Variants in PALS2 observed in about 807,000 individuals in gnomAD.
PALS2 encodes protein associated with LIN7 2, MAGUK p55 family member.
A neutral mutation model predicts 61.6 loss-of-function variants in PALS2; 27 were observed. That is an observed-to-expected ratio of 0.44 (90% CI 0.32 to 0.60). The LOEUF (loss-of-function observed/expected upper bound fraction) is 0.60, where lower values mean the gene tolerates loss of function less well. PALS2 is among the 20% of genes least tolerant of loss of function. The pLI is 0.05. For missense variants in PALS2, 554 were observed against 639.4 expected, an observed-to-expected ratio of 0.87 and a Z score of 1.44; for synonymous variants, 236 against 218.6, an observed-to-expected ratio of 1.08 and a Z score of -0.70.
At chr7:24,645,169 T>C (rs1192579723) in intron 3 of PALS2, among the ~76,000 whole-genome samples, 1 of 152,170 alleles carries the variant, frequency 6.6e-6, no homozygotes. Flanking sequence ...GCTTTTGTTG[T>C]GATTGCTTTT....
At chr7:24,632,546 C>T (rs1050621891) in intron 2 of PALS2, among the ~76,000 whole-genome samples, 3 of 151,974 alleles carry the variant, frequency 2.0e-5, no homozygotes, top group South Asian at 2.1e-4. Flanking sequence ...ATTACAGGCA[C>T]GCCCAGCTTA....
At position 24,618,924 on chromosome 7, in the gene PALS2, C is replaced by A; in HGVS notation, c.-2-4742C>A. On this transcript the variant is annotated intron_variant, in intron 1 of 11. Transcript: ENST00000222644. This position sits in a 1 kb window ranked among gnomAD's most constrained non-coding sequence, Gnocchi z 5.1. Reference sequence around the variant, plus strand: ...CGGAGGAATGTGCACCAGACACTTACCGTCAGCCATCTTACTGACATCACT... The same window carrying A: ...CGGAGGAATGTGCACCAGACACTTAACGTCAGCCATCTTACTGACATCACT... Among the ~76,000 whole-genome samples, 1 of 152,334 alleles carries A rather than the reference C, an allele frequency of 6.6e-6. No individual in the cohort carries two copies. Among genetic ancestry groups the A allele is most frequent in the South Asian group, 2.1e-4 (1 of 4,830 alleles).
At position 24,647,578 on chromosome 7, in the gene PALS2, T is replaced by C. The variant is rs369526956; in HGVS notation, c.271-2034T>C. 9.8e-5 allele frequency among the ~76,000 whole-genome samples: 15 copies of C among 152,338 alleles called. 1 individual carries two copies. The highest frequency in any genetic ancestry group is 7.2e-4 in the Admixed American group (11 of 15,304). On this transcript the variant is annotated intron_variant, in intron 3 of 11. Transcript: ENST00000222644. The stretch of plus-strand genomic sequence containing the variant: ...AGAATTTTCATTAGAGGTTGCAAAA[T>C]GACGTTTTTCTGTTCTACATTATTA...
chr7:24,591,722 A>C (rs181046321), intron 1 of PALS2, among the ~76,000 whole-genome samples: 3 of 152,252 alleles, frequency 2.0e-5, no homozygotes, highest in Admixed American at 2.0e-4. Context: ...GCCTTTAGTC[A>C]CAGTATGTTC....
chr7:24,641,933 C>T, intron 3 of PALS2, 65 bp downstream of exon 3: 1 of 1,488,872 alleles, frequency 6.7e-7, no homozygotes, highest in African/African-American at 1.4e-5. Context: ...CTTTACTTTC[C>T]AGTTTAAGGT....
chr7:24,693,816 T>A lies in PALS2; in HGVS notation c.*6202T>A, dbSNP rs972404145. 2 of 152,218 alleles carry A rather than the reference T, an allele frequency of 1.3e-5. No individual in the cohort carries two copies. The highest frequency in any genetic ancestry group is 4.8e-5 in the African/African-American group (2 of 41,464). 9.4% of individuals were successfully genotyped at this position (152,218 alleles called of 1,614,324 possible). A position where few individuals can be genotyped will look rare whatever the true frequency, so the allele number is the denominator to read the frequency against. On this transcript the variant is annotated 3_prime_UTR_variant, in exon 12 of 12. Transcript: ENST00000222644. Reference sequence around the variant, plus strand: ...AGTATTCAGCAACAAGTGCAATTTCTCCATGTTATGTTGAGCTCTGTTGGA... The same window carrying A: ...AGTATTCAGCAACAAGTGCAATTTCACCATGTTATGTTGAGCTCTGTTGGA...
chr7:24,578,267 A>G (rs73286223), intron 1 of PALS2, among the ~76,000 whole-genome samples: 2,582 of 152,214 alleles, frequency 0.017, 85 homozygotes, highest in African/African-American at 0.059. Context: ...GTCTCTTTTG[A>G]TTAACACTAT....
chr7:24,693,163 CAG>C lies in PALS2; in HGVS notation c.*5551_*5552del. On this transcript the variant is annotated 3_prime_UTR_variant, in exon 12 of 12. Transcript: ENST00000222644. ...TATAGTTAAGGTAAATGCCACCAAT[CAG>C]AAGATTGAGTGATTTACTGCTTGTA... is the stretch of plus-strand genomic sequence containing the variant. 1 of 152,214 alleles carries C rather than the reference CAG, an allele frequency of 6.6e-6. No individual in the cohort carries two copies. The highest frequency in any genetic ancestry group is 2.1e-4 in the South Asian group (1 of 4,828). 9.4% of individuals were successfully genotyped at this position (152,214 alleles called of 1,614,324 possible).
At chr7:24,624,957 T>G (rs1784680153) in intron 2 of PALS2, among the ~76,000 whole-genome samples, 1 of 152,158 alleles carries the variant, frequency 6.6e-6, no homozygotes, top group Admixed American at 6.5e-5. Context: ...TCACATGGTA[T>G]AAAGGCCCTT....
rs561247398 is a variant in PALS2 at position 24,647,580 on chromosome 7, A to G, written c.271-2032A>G. On this transcript the variant is annotated intron_variant, in intron 3 of 11. Coordinates refer to ENST00000222644, the MANE Select transcript of PALS2 (RefSeq NM_001303037.2). ...AATTTTCATTAGAGGTTGCAAAATG[A>G]CGTTTTTCTGTTCTACATTATTAGC... 1.4e-4 allele frequency among the ~76,000 whole-genome samples: 21 copies of G among 152,246 alleles called. No individual in the cohort carries two copies. The East Asian group carries it at 4.0e-3, about 29-fold the overall frequency.
chr7:24,667,083 G>T (rs1787056879), intron 8 of PALS2: 1 of 152,108 alleles, frequency 6.6e-6, no homozygotes, highest in Non-Finnish European at 1.5e-5. Flanking sequence ...GGGAAATTGT[G>T]CAAAGAAAGA....
intron 1 of PALS2, among the ~76,000 whole-genome samples, chr7:24,612,259 C>T (rs1304075535): frequency 2.0e-5 from 3 of 151,790 alleles, no homozygotes; most frequent in East Asian, 1.9e-4. Flanking sequence ...TGAAATGTCA[C>T]CTTTATTGTA....
intron 3 of PALS2, among the ~76,000 whole-genome samples, chr7:24,649,032 T>G (rs1425661407): frequency 1.3e-5 from 2 of 152,190 alleles, no homozygotes; most frequent in African/African-American, 2.4e-5. Flanking sequence ...GACTTGTTTT[T>G]TTGCTCAAAA....
intron 10 of PALS2, among the ~76,000 whole-genome samples, chr7:24,679,918 A>G (rs1278880484): frequency 1.3e-5 from 2 of 152,184 alleles, no homozygotes; most frequent in East Asian, 3.8e-4. Context: ...CTTTTTACAT[A>G]AATGGAAAAA....
intron 9 of PALS2, among the ~76,000 whole-genome samples, chr7:24,669,493 A>G (rs115398519): frequency 2.5e-4 from 38 of 152,342 alleles, no homozygotes; most frequent in African/African-American, 9.1e-4. Context: ...AGAAAGCAGG[A>G]GATAAGCTAA....
At chr7:24,666,136 G>C in intron 8 of PALS2, 47 bp downstream of exon 8, 1 of 1,492,798 alleles carries the variant, frequency 6.7e-7, no homozygotes, top group Non-Finnish European at 9.3e-7. Flanking sequence ...GTAGCTATAT[G>C]TCATTTAGTG....
At chr7:24,684,124 GT>G (rs552015882) in intron 11 of PALS2, among the ~76,000 whole-genome samples, 6 of 148,122 alleles carry the variant, frequency 4.1e-5, no homozygotes, top group East Asian at 2.0e-4. Flanking sequence ...GGGTTTTTTT[GT>G]TTTTTTTTTC....
At chr7:24,658,832 GGT>G (rs750039075) in intron 5 of PALS2, among the ~76,000 whole-genome samples, 1 of 152,136 alleles carries the variant, frequency 6.6e-6, no homozygotes, top group Non-Finnish European at 1.5e-5. Context: ...TGGGATTGCA[GGT>G]GTGAGCCACT....
rs59645237 is a variant in PALS2 at position 24,644,095 on chromosome 7, C to CTTTTTTTTTT, written c.270+2234_270+2243dup. Reference sequence around the variant, plus strand: ...TGCCTAAATCAATATTTTCTTTTTTCTTTTTTTTTTTTTTTTACTTTTGTT... The same window carrying CTTTTTTTTTT: ...TGCCTAAATCAATATTTTCTTTTTTCTTTTTTTTTTTTTTTTTTTTTTTTTTACTTTTGTT... On this transcript the variant is annotated intron_variant, in intron 3 of 11. Coordinates refer to ENST00000222644, the MANE Select transcript of PALS2 (RefSeq NM_001303037.2). 3.1e-4 allele frequency among the ~76,000 whole-genome samples: 41 copies of CTTTTTTTTTT among 134,250 alleles called. 1 individual carries two copies. Among genetic ancestry groups the CTTTTTTTTTT allele is most frequent in the African/African-American group, 1.0e-3 (38 of 36,664 alleles). 88.1% of individuals were successfully genotyped at this position (134,250 alleles called of 152,430 possible). A position where few individuals can be genotyped will look rare whatever the true frequency, so the allele number is the denominator to read the frequency against.
Sources: gnomAD v4.1 joint callset for allele counts (sites outside exome capture counted in the v4.1 genomes callset) on GRCh38, gnomAD v4.1.1 for gene constraint, Gnocchi (gnomAD v3.1) non-coding constraint, MANE v1.5 for transcripts, NCBI Gene and HGNC (gene_info 2026-07-23, HGNC 2026-07-21) for gene names.